The following CD200R1L variants were observed in gnomAD, a reference collection of about 807,000 sequenced individuals.
The protein encoded by CD200R1L is CD200 receptor 1 like.
CD200R1L carries 14 observed loss-of-function variants against 24.8 expected under a neutral mutation model. That is an observed-to-expected ratio of 0.56 (90% CI 0.37 to 0.88). CD200R1L has a LOEUF of 0.88. CD200R1L is among the 40% of genes least tolerant of loss of function. The probability of loss-of-function intolerance (pLI) is 0.00; values close to 1 mark genes in which losing one functional copy is unlikely to be tolerated. For missense variants in CD200R1L, 299 were observed against 297.8 expected (o/e 1.00, Z -0.03); for synonymous variants, 111 against 109.2 (o/e 1.02, Z -0.11).
chr3:112,836,389 T>A (rs1208234418), intron 3 of CD200R1L, among the ~76,000 whole-genome samples: 1 of 152,252 alleles, frequency 6.6e-6, no homozygotes, highest in Non-Finnish European at 1.5e-5. Flanking sequence ...AGCCCGCCAC[T>A]GCATCAATAG....
intron 3 of CD200R1L, among the ~76,000 whole-genome samples, chr3:112,830,009 C>A (rs1189975496): frequency 1.3e-5 from 2 of 152,216 alleles, no homozygotes; most frequent in Non-Finnish European, 2.9e-5. Context: ...CACAATCCCC[C>A]TGCGGGGTCC....
chr3:112,843,071 GA>G (rs1939118936), intron 2 of CD200R1L, among the ~76,000 whole-genome samples: 1 of 152,186 alleles, frequency 6.6e-6, no homozygotes, highest in South Asian at 2.1e-4. Context: ...GGTCTCCAAG[GA>G]GTTGTGGGCC....
intron 6 of CD200R1L, among the ~76,000 whole-genome samples, chr3:112,826,454 T>G (rs1464021120): frequency 1.3e-5 from 2 of 152,156 alleles, no homozygotes; most frequent in Non-Finnish European, 2.9e-5. Context: ...AAAAGCCATG[T>G]TATGTGAGAG....
intron 3 of CD200R1L, among the ~76,000 whole-genome samples, chr3:112,836,181 G>A (rs888181688): frequency 2.0e-5 from 3 of 152,236 alleles, no homozygotes; most frequent in African/African-American, 7.2e-5. Flanking sequence ...ACTGGGGGTA[G>A]TGCGGTCAGC....
chr3:112,845,802 A>T lies in CD200R1L; in HGVS notation c.-210T>A. 8.4e-7 allele frequency: 1 copy of T among 1,193,828 alleles called. No homozygotes were observed. The highest frequency in any genetic ancestry group is 1.2e-6 in the Non-Finnish European group (1 of 807,100). The allele number at this position is 1,193,828 out of a possible 1,614,324, so 74.0% of individuals were successfully genotyped here. On this transcript the variant is annotated 5_prime_UTR_variant, in exon 2 of 8. Transcript: ENST00000488794. ...TTAAATCAATCAACAGACTTGGTGA[A>T]TCTGTTTCTCTTGGTCACTTTTGCT...
chr3:112,819,664 A>C, intron 7 of CD200R1L, 108 bp downstream of exon 7: 1 of 1,221,556 alleles, frequency 8.2e-7, no homozygotes, highest in Non-Finnish European at 1.1e-6. Flanking sequence ...AGAATACAAC[A>C]TACCAAAAAA....
Position 112,815,982 on chromosome 3 carries a change from G to C in CD200R1L, c.741-7C>G, listed in dbSNP as rs755772483. ...TCTTCTTTAAAGAACTTTTCTGAAA[G>C]TATTACACAAGATTTGTATTTATAT... On this transcript the variant is annotated splice_region_variant and splice_polypyrimidine_tract_variant and intron_variant, in intron 7 of 7. Transcript: ENST00000488794. 1 of 780,360 alleles carries C rather than the reference G, an allele frequency of 1.3e-6. No homozygotes were observed. The allele number at this position is 780,360 out of a possible 1,614,324, so 48.3% of individuals were successfully genotyped here.
chr3:112,819,142 A>T (rs974998452), intron 7 of CD200R1L, among the ~76,000 whole-genome samples: 3 of 152,168 alleles, frequency 2.0e-5, no homozygotes, highest in Non-Finnish European at 4.4e-5. Context: ...CTATCACAAG[A>T]ACATCATGGG....
At chr3:112,823,430 T>C (rs1938587537) in intron 6 of CD200R1L, among the ~76,000 whole-genome samples, 1 of 152,194 alleles carries the variant, frequency 6.6e-6, no homozygotes, top group Non-Finnish European at 1.5e-5. Context: ...AGGAAGGTCT[T>C]ATGAGACTAA....
chr3:112,842,945 G>A (rs769384985), intron 2 of CD200R1L, among the ~76,000 whole-genome samples: 13 of 152,144 alleles, frequency 8.5e-5, no homozygotes, highest in Non-Finnish European at 1.6e-4. Context: ...CCTTTGCCTT[G>A]TGATCTTTGT....
At chr3:112,821,345 C>A (rs1938530757) in intron 6 of CD200R1L, among the ~76,000 whole-genome samples, 1 of 152,172 alleles carries the variant, frequency 6.6e-6, no homozygotes, top group African/African-American at 2.4e-5. Context: ...AAGCTCAAGA[C>A]CCCAATTCAC....
chr3:112,833,054 A>G (rs1938849654), intron 3 of CD200R1L, among the ~76,000 whole-genome samples: 1 of 152,220 alleles, frequency 6.6e-6, no homozygotes, highest in African/African-American at 2.4e-5. Flanking sequence ...ACATTAGTGA[A>G]GTTTCTAGTA....
intron 6 of CD200R1L, among the ~76,000 whole-genome samples, chr3:112,824,481 C>G (rs538070258): frequency 1.3e-5 from 2 of 151,870 alleles, no homozygotes; most frequent in Non-Finnish European, 2.9e-5. Flanking sequence ...ACTCGAGAGT[C>G]AAAAATTAGA....
intron 2 of CD200R1L, among the ~76,000 whole-genome samples, chr3:112,839,453 C>T (rs756317301): frequency 7.9e-5 from 12 of 152,198 alleles, no homozygotes; most frequent in Non-Finnish European, 1.8e-4. Flanking sequence ...TCCTAATTTG[C>T]TGCCCAAATG....
At chr3:112,834,365 T>C (rs749531159) in intron 3 of CD200R1L, among the ~76,000 whole-genome samples, 1 of 151,912 alleles carries the variant, frequency 6.6e-6, no homozygotes, top group Non-Finnish European at 1.5e-5. Context: ...TTTAGAGAAT[T>C]TGTGCTTCCA....
chr3:112,845,475 TACTCTGA>T (rs1162646278), intron 2 of CD200R1L, among the ~76,000 whole-genome samples, 197 bp downstream of exon 2: 1 of 152,138 alleles, frequency 6.6e-6, no homozygotes, highest in African/African-American at 2.4e-5. Flanking sequence ...AGCCCCCAAT[TACTCTGA>T]ATTCAGCCAG....
At chr3:112,824,959 C>T (rs1411467028) in intron 6 of CD200R1L, among the ~76,000 whole-genome samples, 4 of 152,034 alleles carry the variant, frequency 2.6e-5, no homozygotes, top group African/African-American at 7.3e-5. Context: ...CATGTAAGGC[C>T]GGGCACGGTG....
chr3:112,817,176 T>C (rs1296657862), intron 7 of CD200R1L, among the ~76,000 whole-genome samples: 1 of 152,056 alleles, frequency 6.6e-6, no homozygotes. Context: ...AAGGGAATTA[T>C]AATAAAAAAG....
chr3:112,831,784 C>G (rs1012532707), intron 3 of CD200R1L, among the ~76,000 whole-genome samples: 1 of 152,172 alleles, frequency 6.6e-6, no homozygotes, highest in African/African-American at 2.4e-5. Flanking sequence ...ACCTTGATCT[C>G]GGAGTTTTAG....
Sources: gnomAD v4.1 joint callset for allele counts (sites outside exome capture counted in the v4.1 genomes callset) on GRCh38, gnomAD v4.1.1 for gene constraint, MANE v1.5 for transcripts, NCBI Gene and HGNC (gene_info 2026-07-23, HGNC 2026-07-21) for gene names.